KRTAP6-1: variants seen among roughly 807,000 people sequenced by gnomAD.
KRTAP6-1 encodes the protein keratin-associated protein 6-1.
KRTAP6-1 carries 2 observed loss-of-function variants against 1.6 expected under a neutral mutation model. That is an observed-to-expected ratio of 1.22 (90% CI 0.50 to 3.85). The LOEUF (loss-of-function observed/expected upper bound fraction) is 3.85. Among genes scored for constraint, KRTAP6-1 ranks in the 30% most tolerant of loss-of-function variants. The pLI is 0.07. For missense variants in KRTAP6-1, 78 were observed against 87.7 expected (o/e 0.89, Z 0.44); for synonymous variants, 38 against 38.5 (o/e 0.99, Z 0.05).
exon 1 of KRTAP6-1, chr21:30,613,700 A>G (rs1980620025): frequency 6.2e-7 from 1 of 1,614,120 alleles, no homozygotes; most frequent in Admixed American, 1.7e-5. Context: ...CAATAATAGT[A>G]GCCAGAGCCA....
exon 1 of KRTAP6-1, chr21:30,613,888 T>G (rs775216920): frequency 2.5e-6 from 4 of 1,613,960 alleles, no homozygotes; most frequent in Non-Finnish European, 1.7e-6. Flanking sequence ...GTAGTTTCCG[T>G]AGTAGCTGCC....
chr21:30,613,652 A>G (rs371105195), exon 1 of KRTAP6-1: 5 of 1,612,138 alleles, frequency 3.1e-6, no homozygotes, highest in Non-Finnish European at 4.2e-6. Context: ...GAATCTCAGT[A>G]TCACAGGATA....
exon 1 of KRTAP6-1, chr21:30,613,501 T>C (rs1980614731): frequency 8.1e-7 from 1 of 1,239,524 alleles, no homozygotes; most frequent in Non-Finnish European, 1.1e-6. Context: ...ACAGGTGAAT[T>C]TTACCTTATC....
chr21:30,613,692 A>T, the KRTAP6-1 span: 2 of 1,614,130 alleles, frequency 1.2e-6, no homozygotes, highest in African/African-American at 1.3e-5. Flanking sequence ...GGCATCCTCA[A>T]TAATAGTAGC....
At position 30,613,831 on chromosome 21, in the gene KRTAP6-1, T is replaced by C. The variant is rs533036207; in HGVS notation, c.74A>G (p.Tyr25Cys). The stretch of plus-strand genomic sequence containing the variant: ...GCCACAGCCCAGGCCTCCATAGCCA[T>C]AGCCCAGGCCTCCATAGCCACAGAA... The change falls in exon 1 of 1, where the codon TAT becomes TGT. Residue 25 changes from tyrosine (Y) to cysteine (C), a missense_variant. Tyr to Cys is a radical substitution (Grantham distance 194). Transcript: ENST00000329122. The C allele has an allele frequency of 4.3e-6, 7 of 1,613,718 alleles. No individual in the cohort carries two copies. In the African/African-American group the frequency reaches 6.7e-5, roughly 15 times the overall value.
At chr21:30,613,755 G>T (rs200283642) in exon 1 of KRTAP6-1, 1 of 1,613,636 alleles carries the variant, frequency 6.2e-7, no homozygotes, top group Non-Finnish European at 8.5e-7. Context: ...GGGAGCCATA[G>T]CCATAGCCAC....
At chr21:30,613,477 T>G in exon 1 of KRTAP6-1, 1 of 981,050 alleles carries the variant, frequency 1.0e-6, no homozygotes, top group Non-Finnish European at 1.4e-6. Context: ...ATCATTCTGA[T>G]GAAAGGAGAA....
At chr21:30,613,435 A>G (rs1980613870) in exon 1 of KRTAP6-1, 7 of 621,270 alleles carry the variant, frequency 1.1e-5, no homozygotes, top group Non-Finnish European at 1.8e-5. Context: ...AAGCTCCATC[A>G]TAAAAGTCAT....
At chr21:30,613,507 T>G in exon 1 of KRTAP6-1, 2 of 1,275,894 alleles carry the variant, frequency 1.6e-6, no homozygotes, top group South Asian at 1.6e-5. Flanking sequence ...GAATTTTACC[T>G]TATCCCGTTT....
exon 1 of KRTAP6-1, chr21:30,613,490 G>C: frequency 9.1e-7 from 1 of 1,096,176 alleles, no homozygotes; most frequent in East Asian, 2.6e-5. Context: ...AAGGAGAACT[G>C]ACAGGTGAAT....
exon 1 of KRTAP6-1, chr21:30,613,762 C>G (rs115002444): frequency 1.9e-6 from 3 of 1,613,486 alleles, no homozygotes; most frequent in Non-Finnish European, 2.5e-6. Context: ...ATAGCCATAG[C>G]CACAGCCCAG....
exon 1 of KRTAP6-1, chr21:30,613,783 C>T (rs1490602363): frequency 6.2e-7 from 1 of 1,613,566 alleles, no homozygotes; most frequent in Admixed American, 1.7e-5. Context: ...TCTGCGGAAG[C>T]CACAGCCACA....
exon 1 of KRTAP6-1, chr21:30,613,733 C>G: frequency 6.2e-7 from 1 of 1,613,992 alleles, no homozygotes; most frequent in African/African-American, 1.3e-5. Flanking sequence ...TAGCCATAGC[C>G]ACAGAGGGAG....
At chr21:30,613,637 T>A in exon 1 of KRTAP6-1, 1 of 1,608,572 alleles carries the variant, frequency 6.2e-7, no homozygotes, top group East Asian at 2.2e-5. Flanking sequence ...GGCTTCAGAA[T>A]TAGTGAATCT....
chr21:30,613,727 C>G (rs1451213174), exon 1 of KRTAP6-1: 1 of 1,613,992 alleles, frequency 6.2e-7, no homozygotes, highest in Non-Finnish European at 8.5e-7. Context: ...CATCCATAGC[C>G]ATAGCCACAG....
rs544198586 is a variant in KRTAP6-1 at position 30,613,800 on chromosome 21, G to C, written c.105C>G (p.Gly35=). The C allele has an allele frequency of 2.5e-5, 40 of 1,613,776 alleles. 1 individual carries two copies. The South Asian group carries it at 4.2e-4, about 17-fold the overall frequency. ...TGCGGAAGCCACAGCCACAGCAGGA[G>C]CCATAGCCACAGCCCAGGCCTCCAT... Residue 35 remains glycine, a synonymous_variant, in exon 1 of 1, where the codon GGC becomes GGG. Coordinates refer to ENST00000329122, the Ensembl canonical transcript of KRTAP6-1.
exon 1 of KRTAP6-1, chr21:30,613,561 A>C (rs1422870851): frequency 6.6e-7 from 1 of 1,516,052 alleles, no homozygotes; most frequent in African/African-American, 1.4e-5. Context: ...TGGTAGCTCA[A>C]CAACAGACCA....
chr21:30,613,658 G>A, exon 1 of KRTAP6-1: 1 of 1,613,786 alleles, frequency 6.2e-7, no homozygotes, highest in Non-Finnish European at 8.5e-7. Context: ...CAGTATCACA[G>A]GATAGAGGGT....
rs764091976 is a variant in KRTAP6-1 at position 30,613,801 on chromosome 21, C to T, written c.104G>A (p.Gly35Asp). Residue 35 changes from glycine to aspartate, a missense_variant, in exon 1 of 1, where the codon GGC (glycine) becomes GAC (aspartate). Gly to Asp is a moderately conservative substitution (Grantham distance 94). Coordinates refer to ENST00000329122, the Ensembl canonical transcript of KRTAP6-1. ...GCGGAAGCCACAGCCACAGCAGGAG[C>T]CATAGCCACAGCCCAGGCCTCCATA... 4.3e-6 allele frequency: 7 copies of T among 1,613,626 alleles called. No individual in the cohort carries two copies. The Admixed American group carries it at 1.0e-4, about 23-fold the overall frequency.
Sources: gnomAD v4.1 joint callset for allele counts on GRCh38, gnomAD v4.1.1 for gene constraint, MANE v1.5 for transcripts, NCBI Gene and HGNC (gene_info 2026-07-23, HGNC 2026-07-21) for gene names.